The following AOC2 variants were observed in gnomAD, a reference collection of about 807,000 sequenced individuals.
AOC2 encodes the protein amine oxidase copper containing 2.
A neutral mutation model predicts 53.8 loss-of-function variants in AOC2; 57 were observed. The observed-to-expected ratio is 1.06, with a 90% confidence interval of 0.86 to 1.32. The LOEUF is 1.32. AOC2 is among the 40% of genes most tolerant of loss of function. The pLI is 0.00. For missense variants in AOC2, 1,008 were observed against 957.2 expected (o/e 1.05, Z -0.70); for synonymous variants, 404 against 399.0 (o/e 1.01, Z -0.15).
Position 42,845,028 on chromosome 17 carries a change from G to A in AOC2, c.402G>A (p.Val134=), listed in dbSNP as rs966946411. ...TTGGTGGACAACCCCAACCCAATGT[G>A]AGTGAGCTGGTGGTGGGGCCGCTGC... ...VLFGGQPQPN[V]SELVVGPLPH... The change falls in exon 1 of 4, where the codon GTG becomes GTA. Residue 134 remains valine (V), a synonymous_variant. Transcript: ENST00000253799. The A allele has an allele frequency of 5.1e-5, 82 of 1,613,790 alleles. No individual in the cohort carries two copies. Among genetic ancestry groups the A allele is most frequent in the Non-Finnish European group, 6.5e-5 (77 of 1,180,006 alleles).
chr17:42,850,132 G>C lies in AOC2; in HGVS notation c.2055G>C (p.Glu685Asp). The C allele has an allele frequency of 6.2e-7, 1 of 1,614,184 alleles. No individual in the cohort carries two copies. The highest frequency in any genetic ancestry group is 8.5e-7 in the Non-Finnish European group (1 of 1,180,032). ...TASFLHIPHA[E>D]DIPNTVTLGN... ...GCTTCCTGCACATTCCCCATGCCGA[G>C]GACATCCCAAACACAGTGACTCTGG... Residue 685 changes from glutamate to aspartate, a missense_variant, in exon 4 of 4, where the codon GAG (glutamate) becomes GAC (aspartate). By Grantham distance (45) the Glu-to-Asp change is conservative. Coordinates refer to ENST00000253799, the MANE Select transcript of AOC2 (RefSeq NM_009590.4).
At position 42,850,602 on chromosome 17, in the gene AOC2, C is replaced by G; in HGVS notation, c.*254C>G. Reference sequence around the variant, plus strand: ...CCTACTACTCAGAAATAGGTGGTCACATTACATCAGACATCTCTTTATGCA... The same window carrying G: ...CCTACTACTCAGAAATAGGTGGTCAGATTACATCAGACATCTCTTTATGCA... On this transcript the variant is annotated 3_prime_UTR_variant, in exon 4 of 4. Transcript: ENST00000253799. The G allele has an allele frequency of 2.5e-6, 1 of 395,152 alleles. No homozygotes were observed. The highest frequency in any genetic ancestry group is 6.4e-4 in the Middle Eastern group (1 of 1,554). The allele number at this position is 395,152 out of a possible 1,614,324, so 24.5% of individuals were successfully genotyped here.
In AOC2 at chr17:42,846,107, T is replaced by C. The variant is rs781274083; in HGVS notation, c.1481T>C (p.Leu494Pro). Residue 494 changes from leucine to proline, a missense_variant, in exon 1 of 4, where the codon CTG becomes CCG. By Grantham distance (98) the Leu-to-Pro change is moderately conservative (BLOSUM62 -3). Transcript: ENST00000253799. ...HATGYINTAF[L>P]KGGEEGLLFG... The stretch of plus-strand genomic sequence containing the variant: ...ACGGGTTATATCAACACAGCTTTCC[T>C]GAAAGGGGGAGAGGAGGGCCTCCTC... 1.3e-6 allele frequency: 2 copies of C among 1,592,414 alleles called. No homozygotes were observed. The highest frequency in any genetic ancestry group is 1.7e-6 in the Non-Finnish European group (2 of 1,166,332).
chr17:42,845,499 T>C lies in AOC2; in HGVS notation c.873T>C (p.Asn291=), dbSNP rs753189031. Residue 291 remains asparagine (N), a synonymous_variant, in exon 1 of 4, where the codon AAT becomes AAC. Transcript: ENST00000253799. ...EVVRVPLPPP[N]GASSLRSRNS... ...TTAGAGTCCCTCTACCTCCACCAAA[T>C]GGAGCTTCATCCCTGAGGTCTCGGA... The C allele has an allele frequency of 6.2e-7, 1 of 1,614,170 alleles. No homozygotes were observed. The highest frequency in any genetic ancestry group is 1.1e-5 in the South Asian group (1 of 91,074).
At position 42,844,620 on chromosome 17, in the gene AOC2, A is replaced by C; in HGVS notation, c.-7A>C. ...TAGAATTCTGATTTCAGCTCTCAGC[A>C]TCCACCATGCATCTCAAGATAGTCC... On this transcript the variant is annotated 5_prime_UTR_variant, in exon 1 of 4. Transcript: ENST00000253799. The C allele has an allele frequency of 6.3e-7, 1 of 1,598,984 alleles. No homozygotes were observed. The highest frequency in any genetic ancestry group is 8.6e-7 in the Non-Finnish European group (1 of 1,168,684).
At chr17:42,846,460 G>A (rs2055600416) in intron 1 of AOC2, among the ~76,000 whole-genome samples, 1 of 152,184 alleles carries the variant, frequency 6.6e-6, no homozygotes, top group Non-Finnish European at 1.5e-5. Context: ...CCTCTGACTT[G>A]CTATGATTGT....
chr17:42,850,483 T>G lies in AOC2; in HGVS notation c.*135T>G, dbSNP rs2055646591. On this transcript the variant is annotated 3_prime_UTR_variant, in exon 4 of 4. Transcript: ENST00000253799. ...ATGTTCCTCTCACACGAAACCCCCA[T>G]CAGTCCCTTTGGTTAATTCTTACTT... is the stretch of plus-strand genomic sequence containing the variant. 1 of 1,052,638 alleles carries G rather than the reference T, an allele frequency of 9.5e-7. No homozygotes were observed. Among genetic ancestry groups the G allele is most frequent in the African/African-American group, 1.6e-5 (1 of 62,786 alleles). 65.2% of individuals were successfully genotyped at this position (1,052,638 alleles called of 1,614,324 possible).
At chr17:42,847,995 C>G (rs1024101769) in intron 1 of AOC2, among the ~76,000 whole-genome samples, 1 of 149,174 alleles carries the variant, frequency 6.7e-6, no homozygotes, top group Non-Finnish European at 1.5e-5. Context: ...CCAGGCTCAT[C>G]TTGAACTCCC....
chr17:42,844,598 AAT>A lies in AOC2; in HGVS notation c.-28_-27del. On this transcript the variant is annotated 5_prime_UTR_variant, in exon 1 of 4. Coordinates refer to ENST00000253799, the MANE Select transcript of AOC2 (RefSeq NM_009590.4). ...AGTAACTGGAAGGAGCAGCTGTTAGAATTCTGATTTCAGCTCTCAGCATCCAC... is the reference window on the plus strand; with the variant it reads ...AGTAACTGGAAGGAGCAGCTGTTAGATCTGATTTCAGCTCTCAGCATCCAC... 1 of 1,582,246 alleles carries A rather than the reference AAT, an allele frequency of 6.3e-7. No individual in the cohort carries two copies. The highest frequency in any genetic ancestry group is 8.6e-7 in the Non-Finnish European group (1 of 1,158,700).
rs753613470 is a variant in AOC2, at chr17:42,845,263, C to T, written c.637C>T (p.Arg213Cys). The T allele has an allele frequency of 1.9e-5, 30 of 1,614,016 alleles. No homozygotes were observed. Among genetic ancestry groups the T allele is most frequent in the South Asian group, 9.9e-5 (9 of 91,092 alleles). The change falls in exon 1 of 4, where the codon CGC becomes TGC. Residue 213 changes from arginine (R) to cysteine (C), a missense_variant. Physicochemically the swap from Arg to Cys is radical, Grantham distance 180. Coordinates refer to ENST00000253799, the MANE Select transcript of AOC2 (RefSeq NM_009590.4). ...AAVHATPRGL[R>C]SGDRATWMAL... ...TGTGCATGCCACCCCTCGGGGCTTG[C>T]GCTCAGGGGACCGAGCTACCTGGAT... is the stretch of plus-strand genomic sequence containing the variant.
intron 3 of AOC2, 26 bp downstream of exon 3, chr17:42,849,756 A>G: frequency 1.2e-6 from 2 of 1,614,012 alleles, no homozygotes; most frequent in South Asian, 1.1e-5. Flanking sequence ...GACATAGGAA[A>G]GGGACACCTG....
At position 42,844,985 on chromosome 17, in the gene AOC2, C is replaced by T. The variant is rs1411307566; in HGVS notation, c.359C>T (p.Ala120Val). ...DRGSPPPARE[A>V]LAIVLFGGQP... is the part of the protein sequence containing the mutation. Reference sequence around the variant, plus strand: ...GGGAGCCCCCCACCTGCCCGGGAGGCACTGGCCATCGTCCTCTTTGGTGGA... The same window carrying T: ...GGGAGCCCCCCACCTGCCCGGGAGGTACTGGCCATCGTCCTCTTTGGTGGA... The change falls in exon 1 of 4, where the codon GCA becomes GTA. Residue 120 changes from alanine (A) to valine (V), a missense_variant. Coordinates refer to ENST00000253799, the MANE Select transcript of AOC2 (RefSeq NM_009590.4). 1.2e-6 allele frequency: 2 copies of T among 1,611,540 alleles called. No individual in the cohort carries two copies. The highest frequency in any genetic ancestry group is 1.7e-6 in the Non-Finnish European group (2 of 1,178,334).
Position 42,849,168 on chromosome 17 carries a change from C to G in AOC2, c.1671C>G (p.Arg557=), listed in dbSNP as rs544276929. ...GGAACCCGGAGCACTGGCTACAGCG[C>G]CCACAGCTGACTCGGCAGGTCCTGG... ...APWNPEHWLQ[R]PQLTRQVLGK... Residue 557 remains arginine (R), a synonymous_variant, in exon 2 of 4, where the codon CGC becomes CGG. Transcript: ENST00000253799. The G allele has an allele frequency of 6.2e-7, 1 of 1,614,210 alleles. No homozygotes were observed. The highest frequency in any genetic ancestry group is 1.1e-5 in the South Asian group (1 of 91,088).
Position 42,845,610 on chromosome 17 carries a change from C to G in AOC2, c.984C>G (p.Leu328=), listed in dbSNP as rs749235916. The change falls in exon 1 of 4, where the codon CTC becomes CTG. Residue 328 remains leucine (L), a synonymous_variant. Coordinates refer to ENST00000253799, the MANE Select transcript of AOC2 (RefSeq NM_009590.4). Reference sequence around the variant, plus strand: ...AAGGAAACCTGGTGGTATCCTCCCTCTGGTCATTTACCTTTGGCCATGGGG... The same window carrying G: ...AAGGAAACCTGGTGGTATCCTCCCTGTGGTCATTTACCTTTGGCCATGGGG... The part of the protein sequence containing the change: ...SVQGNLVVSS[L]WSFTFGHGVF... 1 of 1,614,224 alleles carries G rather than the reference C, an allele frequency of 6.2e-7. No individual in the cohort carries two copies. The highest frequency in any genetic ancestry group is 8.5e-7 in the Non-Finnish European group (1 of 1,180,038).
At position 42,847,978 on chromosome 17, in the gene AOC2, A is replaced by AT. The variant is rs1442650141; in HGVS notation, c.1589-1107dup. Reference sequence around the variant, plus strand: ...ATTTAAGTAGAGATGGGGTTTCACCATGTTGGCCAGGCTCATCTTGAACTC... The same window carrying AT: ...ATTTAAGTAGAGATGGGGTTTCACCATTGTTGGCCAGGCTCATCTTGAACTC... On this transcript the variant is annotated intron_variant, in intron 1 of 3. Coordinates refer to ENST00000253799, the MANE Select transcript of AOC2 (RefSeq NM_009590.4). Among the ~76,000 whole-genome samples the AT allele has an allele frequency of 2.7e-5, 4 of 148,150 alleles. No homozygotes were observed. In the East Asian group the frequency reaches 7.9e-4, roughly 29 times the overall value.
Position 42,845,880 on chromosome 17 carries a change from G to T in AOC2, c.1254G>T (p.Leu418=). 1 of 1,614,174 alleles carries T rather than the reference G, an allele frequency of 6.2e-7. No homozygotes were observed. The highest frequency in any genetic ancestry group is 1.1e-5 in the South Asian group (1 of 91,086). ...TAGTGGGCAAAGGGGCAGTCCAGCT[G>T]CTTCCAGGGGCTGTGTGTGTATTTG... ...HILVGKGAVQ[L]LPGAVCVFEE... is the part of the protein sequence containing the mutation. Residue 418 remains leucine, a synonymous_variant, in exon 1 of 4, where the codon CTG becomes CTT. Transcript: ENST00000253799.
In AOC2 at chr17:42,845,904, T is replaced by G. The variant is rs1490375162; in HGVS notation, c.1278T>G (p.Phe426Leu). Residue 426 changes from phenylalanine (F) to leucine (L), a missense_variant, in exon 1 of 4, where the codon TTT becomes TTG. By Grantham distance (22) the Phe-to-Leu change is conservative. Transcript: ENST00000253799. ...TGCTTCCAGGGGCTGTGTGTGTATT[T>G]GAGGAAGCCCAGGGACTGCCCCTTC... ...VQLLPGAVCV[F>L]EEAQGLPLRR... 6.2e-7 allele frequency: 1 copy of G among 1,614,172 alleles called. No homozygotes were observed.
chr17:42,844,599 A>G lies in AOC2; in HGVS notation c.-28A>G. 6.3e-7 allele frequency: 1 copy of G among 1,583,350 alleles called. No homozygotes were observed. Among genetic ancestry groups the G allele is most frequent in the Non-Finnish European group, 8.6e-7 (1 of 1,159,266 alleles). On this transcript the variant is annotated 5_prime_UTR_variant, in exon 1 of 4. Coordinates refer to ENST00000253799, the MANE Select transcript of AOC2 (RefSeq NM_009590.4). ...GTAACTGGAAGGAGCAGCTGTTAGAATTCTGATTTCAGCTCTCAGCATCCA... is the reference window on the plus strand; with the variant it reads ...GTAACTGGAAGGAGCAGCTGTTAGAGTTCTGATTTCAGCTCTCAGCATCCA...
At chr17:42,848,065 C>CT (rs61450612) in intron 1 of AOC2, among the ~76,000 whole-genome samples, 2,889 of 101,320 alleles carry the variant, frequency 0.029, 358 homozygotes, top group African/African-American at 0.083. Flanking sequence ...CATGCCCGGC[C>CT]TTTTTTTTTT....
Sources: allele counts gnomAD v4.1 joint callset (sites outside exome capture counted in the v4.1 genomes callset), GRCh38; gene constraint gnomAD v4.1.1; transcripts MANE v1.5; gene names NCBI Gene and HGNC (gene_info 2026-07-23, HGNC 2026-07-21).